The following DLG2 variants were observed in gnomAD, a reference collection of about 807,000 sequenced individuals.
DLG2 encodes discs large MAGUK scaffold protein 2, also known as disks large homolog 2.
Under a neutral mutation model 132.5 loss-of-function variants are expected in DLG2, and 45 were observed. That is an observed-to-expected ratio of 0.34 (90% CI 0.27 to 0.44). The LOEUF (loss-of-function observed/expected upper bound fraction) is 0.44, where lower values mean the gene tolerates loss of function less well. Among genes scored for constraint, DLG2 ranks in the 20% least tolerant of loss-of-function variants. DLG2 has a pLI of 1.00. For missense variants in DLG2, 1,045 were observed against 1,196.9 expected (o/e 0.87, Z 1.87); for synonymous variants, 424 against 419.6 (o/e 1.01, Z -0.13).
intron 12 of DLG2, among the ~76,000 whole-genome samples, chr11:83,974,593 G>C (rs755365545): frequency 6.6e-6 from 1 of 151,794 alleles, no homozygotes; most frequent in African/African-American, 2.4e-5. Flanking sequence ...GAATCTTCAA[G>C]AGAATTGGGA....
chr11:85,287,314 C>T (rs758377920), intron 3 of DLG2, among the ~76,000 whole-genome samples: 1 of 151,738 alleles, frequency 6.6e-6, no homozygotes, highest in African/African-American at 2.4e-5. Flanking sequence ...AAATACAAAT[C>T]GCAAAGAAAA....
Position 84,929,006 on chromosome 11 carries a change from A to G in DLG2, c.357+182655T>C, listed in dbSNP as rs1277622980. Among the ~76,000 whole-genome samples the G allele has an allele frequency of 4.9e-4, 63 of 129,796 alleles. 1 individual carries two copies. The highest frequency in any genetic ancestry group is 2.9e-3 in the Admixed American group (38 of 12,966). The allele number at this position is 129,796 out of a possible 152,430, so 85.2% of individuals were successfully genotyped here. Reference sequence around the variant, plus strand: ...TGTATATATATATATATATATATATATATATATATATATATATATTACTGT... The same window carrying G: ...TGTATATATATATATATATATATATGTATATATATATATATATATTACTGT... On this transcript the variant is annotated intron_variant, in intron 6 of 27. Transcript: ENST00000376104.
At chr11:84,004,471 G>A (rs1207638857) in intron 11 of DLG2, among the ~76,000 whole-genome samples, 5 of 151,904 alleles carry the variant, frequency 3.3e-5, no homozygotes, top group South Asian at 2.1e-4. Flanking sequence ...CTAACACACA[G>A]CTAACATCAT....
At position 84,897,293 on chromosome 11, in the gene DLG2, C is replaced by T. The variant is rs567547066; in HGVS notation, c.357+214368G>A. On this transcript the variant is annotated intron_variant, in intron 6 of 27. Coordinates refer to ENST00000376104, the MANE Select transcript of DLG2 (RefSeq NM_001142699.3). ...GGTAATTCATTCATTTTTACCACTA[C>T]ATAGTATCCATTGTATTAATAAGTC... is the stretch of plus-strand genomic sequence containing the variant. 5.9e-5 allele frequency among the ~76,000 whole-genome samples: 9 copies of T among 151,970 alleles called. No individual in the cohort carries two copies. In the East Asian group the frequency reaches 1.5e-3, roughly 26 times the overall value.
At chr11:83,989,176 G>A (rs1310786066) in intron 11 of DLG2, among the ~76,000 whole-genome samples, 1 of 152,156 alleles carries the variant, frequency 6.6e-6, no homozygotes, top group East Asian at 1.9e-4. Context: ...GCTGCAGTCA[G>A]TAACTGTATA....
intron 4 of DLG2, among the ~76,000 whole-genome samples, chr11:85,261,574 A>G (rs1475841921): frequency 6.6e-6 from 1 of 152,078 alleles, no homozygotes; most frequent in Non-Finnish European, 1.5e-5. Flanking sequence ...ATCTTGCGGG[A>G]GGAAGGGACT....
intron 7 of DLG2, among the ~76,000 whole-genome samples, chr11:84,405,136 C>T (rs1316237646): frequency 1.3e-5 from 2 of 151,974 alleles, no homozygotes; most frequent in Non-Finnish European, 2.9e-5. Context: ...ACAGTCCTTG[C>T]AGGAAAAAAG....
intron 8 of DLG2, among the ~76,000 whole-genome samples, chr11:84,235,953 A>T (rs1054797898): frequency 6.6e-6 from 1 of 151,744 alleles, no homozygotes; most frequent in Non-Finnish European, 1.5e-5. Flanking sequence ...TGCCTAGAGT[A>T]TGGTTCAGTA....
At chr11:83,918,044 T>C (rs2077213719) in intron 15 of DLG2, among the ~76,000 whole-genome samples, 1 of 152,122 alleles carries the variant, frequency 6.6e-6, no homozygotes, top group Admixed American at 6.6e-5. Flanking sequence ...CTGAAAACAG[T>C]AATAATGTGA....
At chr11:85,503,873 A>G (rs2093863477) in intron 3 of DLG2, among the ~76,000 whole-genome samples, 1 of 152,082 alleles carries the variant, frequency 6.6e-6, no homozygotes, top group African/African-American at 2.4e-5. Context: ...TTGAGGCTGC[A>G]GTGAGCTATG....
At chr11:83,754,063 C>T (rs191290218) in intron 18 of DLG2, among the ~76,000 whole-genome samples, 69 of 149,918 alleles carry the variant, frequency 4.6e-4, no homozygotes, top group Non-Finnish European at 8.4e-4. Flanking sequence ...AATGCTTTTG[C>T]CCTAAACATG....
chr11:83,481,383 A>T (rs1447360837), intron 22 of DLG2, among the ~76,000 whole-genome samples: 1 of 145,432 alleles, frequency 6.9e-6, no homozygotes, highest in Non-Finnish European at 1.5e-5. Context: ...TAATTAAATG[A>T]AGAACATGTG....
At chr11:85,451,760 G>A (rs1465608769) in intron 3 of DLG2, among the ~76,000 whole-genome samples, 2 of 152,140 alleles carry the variant, frequency 1.3e-5, no homozygotes, top group African/African-American at 4.8e-5. Flanking sequence ...GTGTTGCCAA[G>A]GCTGGTCTTG....
chr11:83,632,986 T>C (rs866391240), intron 19 of DLG2: 1 of 509,950 alleles, frequency 2.0e-6, no homozygotes, highest in Non-Finnish European at 3.5e-6. Context: ...TCCTGAATCA[T>C]AACTTTGCCA....
intron 6 of DLG2, among the ~76,000 whole-genome samples, chr11:84,729,064 G>GT (rs1054228858): frequency 2.6e-5 from 4 of 151,938 alleles, no homozygotes; most frequent in Non-Finnish European, 4.4e-5. Context: ...TTTTTTGAAG[G>GT]TTTTTTTGGG....
intron 3 of DLG2, among the ~76,000 whole-genome samples, chr11:85,395,628 C>T (rs2087264306): frequency 1.3e-5 from 2 of 152,220 alleles, no homozygotes; most frequent in Admixed American, 1.3e-4. Context: ...CAGTGGGTCC[C>T]CTGCCCACAG....
rs1219053025 is a variant in DLG2 at position 83,537,826 on chromosome 11, AAAAAAAAAAG to A, written c.2117+3846_2117+3855del. 1.3e-3 allele frequency among the ~76,000 whole-genome samples: 179 copies of A among 139,552 alleles called. 7 individuals carry two copies. The highest frequency in any genetic ancestry group is 1.5e-3 in the African/African-American group (51 of 33,414). The allele number at this position is 139,552 out of a possible 152,430, so 91.6% of individuals were successfully genotyped here. On this transcript the variant is annotated intron_variant, in intron 20 of 27. Transcript: ENST00000376104. ...CTGTCTCAAAAAAAAAAAAAAAAAA[AAAAAAAAAAG>A]AGAGAGAGAGATACCATGGAACAAA...
chr11:85,577,811 C>G (rs2078248812), intron 3 of DLG2, among the ~76,000 whole-genome samples: 1 of 152,136 alleles, frequency 6.6e-6, no homozygotes, highest in African/African-American at 2.4e-5. Context: ...AATGGCCATA[C>G]TACCCAAAGC....
rs188015872 is a variant in DLG2, at chr11:85,390,824, T to C, written c.41-105459A>G. Among the ~76,000 whole-genome samples the C allele has an allele frequency of 9.1e-4, 138 of 152,014 alleles. 2 individuals are homozygous for C. Among genetic ancestry groups the C allele is most frequent in the Admixed American group, 7.4e-3 (113 of 15,256 alleles). ...ACGAAAGTTCATAGCATTAAATGCC[T>C]ATATCAAAAAGTGTAAAAGAGCTCA... On this transcript the variant is annotated intron_variant, in intron 3 of 27. Coordinates refer to ENST00000376104, the MANE Select transcript of DLG2 (RefSeq NM_001142699.3).
Sources: gnomAD v4.1 joint callset for allele counts (sites outside exome capture counted in the v4.1 genomes callset) on GRCh38, gnomAD v4.1.1 for gene constraint, MANE v1.5 for transcripts, NCBI Gene and HGNC (gene_info 2026-07-23, HGNC 2026-07-21) for gene names.